The following KIF6 variants were observed in gnomAD, a reference collection of about 807,000 sequenced individuals.
The protein encoded by KIF6 is kinesin-like protein KIF6.
In KIF6, 106 loss-of-function variants were observed where a neutral mutation model predicts 112.7. The observed-to-expected ratio is 0.94, with a 90% CI of 0.80 to 1.11. The LOEUF (loss-of-function observed/expected upper bound fraction) is 1.11. KIF6 is among the 50% of genes least tolerant of loss of function. The pLI is 0.00. For missense variants in KIF6, 929 were observed against 964.0 expected, an observed-to-expected ratio of 0.96 and a Z score of 0.48; for synonymous variants, 339 against 339.9, an observed-to-expected ratio of 1.00 and a Z score of 0.03.
chr6:39,347,135 A>G (rs1268896121), intron 19 of KIF6, among the ~76,000 whole-genome samples: 1 of 152,228 alleles, frequency 6.6e-6, no homozygotes, highest in Non-Finnish European at 1.5e-5. Flanking sequence ...TACATGAGAA[A>G]ACTGAGGCTT....
At chr6:39,597,109 G>A (rs1379449408) in intron 6 of KIF6, among the ~76,000 whole-genome samples, 2 of 151,934 alleles carry the variant, frequency 1.3e-5, no homozygotes, top group South Asian at 4.2e-4. Flanking sequence ...TTTCATAGAT[G>A]GGAAAACTCA....
chr6:39,636,662 A>G (rs1055568588), intron 4 of KIF6, among the ~76,000 whole-genome samples: 12 of 151,738 alleles, frequency 7.9e-5, no homozygotes, highest in Non-Finnish European at 1.3e-4. Flanking sequence ...ATATACATAG[A>G]CTCTGTCCCT....
chr6:39,373,474 A>G (rs533635664), intron 16 of KIF6, among the ~76,000 whole-genome samples: 15 of 152,294 alleles, frequency 9.8e-5, no homozygotes, highest in African/African-American at 3.4e-4. Flanking sequence ...AGAAAACCCT[A>G]AAGACTCAAC....
At chr6:39,648,364 C>T (rs181015383) in intron 3 of KIF6, among the ~76,000 whole-genome samples, 2 of 152,192 alleles carry the variant, frequency 1.3e-5, no homozygotes, top group Admixed American at 6.5e-5. Context: ...TTTTATATCA[C>T]TCCCTTCAGT....
chr6:39,444,293 G>C (rs1296039908), intron 13 of KIF6, among the ~76,000 whole-genome samples: 1 of 151,982 alleles, frequency 6.6e-6, no homozygotes, highest in Non-Finnish European at 1.5e-5. Flanking sequence ...GGCCACCCCG[G>C]CTTTACTGAG....
chr6:39,544,391 T>A, intron 12 of KIF6, 164 bp downstream of exon 12: 1 of 510,418 alleles, frequency 2.0e-6, no homozygotes, highest in East Asian at 3.3e-5. Context: ...TCTTTTTCAC[T>A]GGTTGCAATA....
intron 9 of KIF6, among the ~76,000 whole-genome samples, chr6:39,580,694 A>T (rs538815291): frequency 2.6e-5 from 4 of 152,318 alleles, no homozygotes; most frequent in African/African-American, 9.6e-5. Context: ...TGTGATTAGT[A>T]TTTTAGTATA....
At chr6:39,363,429 T>C (rs1581680012) in intron 16 of KIF6, among the ~76,000 whole-genome samples, 1 of 152,312 alleles carries the variant, frequency 6.6e-6, no homozygotes, top group East Asian at 1.9e-4. Context: ...AGGGATCAGC[T>C]GCTGCGTGTG....
chr6:39,352,841 T>G (rs993738353), intron 19 of KIF6, among the ~76,000 whole-genome samples: 3 of 152,156 alleles, frequency 2.0e-5, no homozygotes, highest in Non-Finnish European at 1.5e-5. Context: ...TGACCTCAAG[T>G]GATCCACCCA....
At chr6:39,625,994 TGAACGTCTGGTATAA>T (rs1485991379) in intron 5 of KIF6, among the ~76,000 whole-genome samples, 1 of 152,080 alleles carries the variant, frequency 6.6e-6, no homozygotes, top group African/African-American at 2.4e-5. Flanking sequence ...ACCAAAGAGA[TGAACGTCTGGTATAA>T]TCATTGTGAG....
intron 13 of KIF6, among the ~76,000 whole-genome samples, chr6:39,484,765 G>A (rs923018673): frequency 6.6e-6 from 1 of 152,164 alleles, no homozygotes. Context: ...CTCTTCCTAA[G>A]GACTGGGCCT....
At chr6:39,408,317 T>C (rs1424367092) in intron 15 of KIF6, among the ~76,000 whole-genome samples, 3 of 152,120 alleles carry the variant, frequency 2.0e-5, no homozygotes, top group African/African-American at 7.2e-5. Flanking sequence ...TGGGGAGTAG[T>C]CATGAAAGTT....
In KIF6 at chr6:39,343,792, G is replaced by T; in HGVS notation, c.2345C>A (p.Ser782Tyr). 6.2e-7 allele frequency: 1 copy of T among 1,611,838 alleles called. No homozygotes were observed. The highest frequency in any genetic ancestry group is 1.1e-5 in the South Asian group (1 of 90,660). ...EDSIPKRPVS[S>Y]IPLTGDSQTD... ...CTGGCTGTCTCCGGTGAGAGGGATG[G>T]ACGACACTGGCCTCTTGGGGATGCT... Residue 782 changes from serine (S) to tyrosine (Y), a missense_variant, in exon 22 of 23, where the codon TCC (serine) becomes TAC (tyrosine). Ser to Tyr is a moderately radical substitution (Grantham distance 144, BLOSUM62 -2). This residue lies in a region of KIF6 where 241 missense variants were observed against 301.4 expected (regional missense o/e 0.80). Coordinates refer to ENST00000287152, the MANE Select transcript of KIF6 (RefSeq NM_145027.6). This position sits in a 1 kb window ranked among gnomAD's most constrained non-coding sequence, Gnocchi z 4.1.
intron 13 of KIF6, among the ~76,000 whole-genome samples, chr6:39,527,359 A>G (rs115786179): frequency 2.6e-5 from 4 of 152,060 alleles, no homozygotes; most frequent in African/African-American, 4.8e-5. Flanking sequence ...TTTGTTTCCA[A>G]TTACTCCCAG....
At position 39,647,035 on chromosome 6, in the gene KIF6, T is replaced by C. The variant is rs559733835; in HGVS notation, c.252-7278A>G. Reference sequence around the variant, plus strand: ...TCCTAACTGTTTCACTTTCAGAATATCTCACAGTGCATAAATTCAGTAGCT... The same window carrying C: ...TCCTAACTGTTTCACTTTCAGAATACCTCACAGTGCATAAATTCAGTAGCT... On this transcript the variant is annotated intron_variant, in intron 3 of 22. Transcript: ENST00000287152. Among the ~76,000 whole-genome samples the C allele has an allele frequency of 2.6e-5, 4 of 152,330 alleles. No individual in the cohort carries two copies. The South Asian group carries it at 6.2e-4, about 24-fold the overall frequency.
intron 13 of KIF6, among the ~76,000 whole-genome samples, chr6:39,467,074 C>G (rs1276970179): frequency 1.3e-5 from 2 of 152,204 alleles, no homozygotes; most frequent in African/African-American, 4.8e-5. Flanking sequence ...AGCTTTATAG[C>G]TTTCCCCAAG....
chr6:39,489,719 G>A (rs1381671551), intron 13 of KIF6, among the ~76,000 whole-genome samples: 1 of 152,070 alleles, frequency 6.6e-6, no homozygotes, highest in African/African-American at 2.4e-5. Context: ...GGAGGATAAA[G>A]GTCTTATAAA....
At chr6:39,481,994 C>T (rs145908287) in intron 13 of KIF6, among the ~76,000 whole-genome samples, 3 of 145,882 alleles carry the variant, frequency 2.1e-5, no homozygotes, top group South Asian at 2.2e-4. Flanking sequence ...ATAAAGACAA[C>T]GGGACCTTTA....
intron 13 of KIF6, among the ~76,000 whole-genome samples, chr6:39,514,767 C>CT (rs201184141): frequency 7.6e-6 from 1 of 131,268 alleles, no homozygotes; most frequent in Non-Finnish European, 1.5e-5. Flanking sequence ...AAACTCAAGG[C>CT]TTTTTTTCCC....
Sources: allele counts gnomAD v4.1 joint callset (sites outside exome capture counted in the v4.1 genomes callset), GRCh38; gene constraint gnomAD v4.1.1; regional missense constraint gnomAD v4.1.1; non-coding constraint Gnocchi (gnomAD v3.1); transcripts MANE v1.5; gene names NCBI Gene and HGNC (gene_info 2026-07-23, HGNC 2026-07-21).